DOK6: variants seen among roughly 807,000 people sequenced by gnomAD.
The protein encoded by DOK6 is downstream of tyrosine kinase 6.
Under a neutral mutation model 44.0 loss-of-function variants are expected in DOK6, and 22 were observed. The ratio of observed to expected loss-of-function variants is 0.50; its 90% CI spans 0.36 to 0.71. DOK6 has a LOEUF of 0.71. Among genes scored for constraint, DOK6 ranks in the 30% least tolerant of loss-of-function variants. The pLI is 0.00. For synonymous variants in DOK6, 166 were observed against 145.5 expected, an observed-to-expected ratio of 1.14 and a Z score of -1.01; for missense variants, 340 against 416.4, an observed-to-expected ratio of 0.82 and a Z score of 1.60.
chr18:69,415,808 C>T (rs2122397298), intron 1 of DOK6, among the ~76,000 whole-genome samples: 1 of 152,138 alleles, frequency 6.6e-6, no homozygotes, highest in Non-Finnish European at 1.5e-5. Context: ...ATATTTACCT[C>T]AACCTTACGA....
At chr18:69,510,258 C>G (rs1461719516) in intron 1 of DOK6, among the ~76,000 whole-genome samples, 1 of 152,148 alleles carries the variant, frequency 6.6e-6, no homozygotes, top group Non-Finnish European at 1.5e-5. Context: ...TTCTTCATTA[C>G]TTGTATATTC....
intron 3 of DOK6, among the ~76,000 whole-genome samples, chr18:69,634,325 G>A (rs1355845659): frequency 6.6e-6 from 1 of 152,070 alleles, no homozygotes; most frequent in East Asian, 1.9e-4. Context: ...AAACTTTAGT[G>A]TACTTTTGTA....
intron 5 of DOK6, among the ~76,000 whole-genome samples, chr18:69,718,031 C>T (rs1414584880): frequency 6.6e-6 from 1 of 152,040 alleles, no homozygotes; most frequent in African/African-American, 2.4e-5. Context: ...GGGTTAATGC[C>T]CTTTTAATAT....
chr18:69,664,398 T>G (rs953912873), intron 3 of DOK6, among the ~76,000 whole-genome samples: 1 of 152,240 alleles, frequency 6.6e-6, no homozygotes, highest in African/African-American at 2.4e-5. Context: ...AAATGGAACA[T>G]GTAAATCTTA....
chr18:69,582,495 A>C (rs557181296), intron 2 of DOK6, among the ~76,000 whole-genome samples: 40 of 152,138 alleles, frequency 2.6e-4, no homozygotes, highest in Non-Finnish European at 4.7e-4. Flanking sequence ...GATATATATT[A>C]ATGACTGTAC....
intron 4 of DOK6, among the ~76,000 whole-genome samples, chr18:69,679,396 A>G (rs946273260): frequency 9.2e-5 from 14 of 152,186 alleles, no homozygotes; most frequent in Admixed American, 9.2e-4. Flanking sequence ...ATGAACATAT[A>G]TAATAAGTTC....
At chr18:69,430,119 T>C (rs1867103) in intron 1 of DOK6, among the ~76,000 whole-genome samples, 20,267 of 152,128 alleles carry the variant, frequency 0.13, 1,688 homozygotes, top group South Asian at 0.28. Context: ...ATTATAACTA[T>C]TAGATCTACC....
At chr18:69,591,281 TG>T (rs1305870267) in intron 2 of DOK6, among the ~76,000 whole-genome samples, 2 of 152,138 alleles carry the variant, frequency 1.3e-5, no homozygotes, top group African/African-American at 4.8e-5. Flanking sequence ...TATACTGATA[TG>T]GGATGGCTGT....
chr18:69,590,432 C>T (rs1192833263), intron 2 of DOK6, among the ~76,000 whole-genome samples: 2 of 152,124 alleles, frequency 1.3e-5, no homozygotes, highest in East Asian at 1.9e-4. Context: ...GCGAGATCAG[C>T]ATACTCCAAG....
At chr18:69,535,408 G>A (rs1005713272) in intron 1 of DOK6, among the ~76,000 whole-genome samples, 2 of 151,836 alleles carry the variant, frequency 1.3e-5, no homozygotes, top group Non-Finnish European at 2.9e-5. Context: ...TGAAATCTCT[G>A]TAATTCTAAT....
chr18:69,536,979 C>CATTATTATTATTATTATTATT (rs6146369), intron 1 of DOK6, among the ~76,000 whole-genome samples: 1 of 144,860 alleles, frequency 6.9e-6, no homozygotes, highest in Non-Finnish European at 1.5e-5. Flanking sequence ...GAAGATTTAT[C>CATTATTATTATTATTATTATT]ATTATTATTA....
At chr18:69,630,826 G>A (rs1984673644) in intron 3 of DOK6, among the ~76,000 whole-genome samples, 1 of 152,064 alleles carries the variant, frequency 6.6e-6, no homozygotes, top group South Asian at 2.1e-4. Flanking sequence ...AATACTTCTG[G>A]TATTGCTGAA....
At chr18:69,457,858 C>G (rs367791557) in intron 1 of DOK6, among the ~76,000 whole-genome samples, 1 of 152,080 alleles carries the variant, frequency 6.6e-6, no homozygotes, top group East Asian at 1.9e-4. Context: ...AAAGTTAATT[C>G]ACATGCCAGG....
In DOK6 at chr18:69,811,575, TATCA is replaced by T. The variant is rs1227755975; in HGVS notation, c.857-29667_857-29664del. On this transcript the variant is annotated intron_variant, in intron 7 of 7. Coordinates refer to ENST00000382713, the MANE Select transcript of DOK6 (RefSeq NM_152721.6). ...ATATATATATATATATATATATATA[TATCA>T]AAACACTACGTTGTACACAATCAAT... Among the ~76,000 whole-genome samples the T allele has an allele frequency of 2.8e-3, 34 of 12,246 alleles. 1 individual carries two copies. In the South Asian group the frequency reaches 0.048, roughly 17 times the overall value. 8.0% of individuals were successfully genotyped at this position (12,246 alleles called of 152,430 possible). A position where few individuals can be genotyped will look rare whatever the true frequency, so the allele number is the denominator to read the frequency against.
intron 7 of DOK6, among the ~76,000 whole-genome samples, chr18:69,806,942 T>C (rs891303304): frequency 6.6e-6 from 1 of 152,028 alleles, no homozygotes; most frequent in African/African-American, 2.4e-5. Context: ...TGCTGATGAA[T>C]ATATTATGGG....
intron 1 of DOK6, among the ~76,000 whole-genome samples, chr18:69,402,353 T>C (rs1916119732): frequency 1.3e-5 from 2 of 152,170 alleles, no homozygotes; most frequent in South Asian, 4.1e-4. Flanking sequence ...CTTTCCTGTG[T>C]TCCCTGATGA....
At position 69,835,165 on chromosome 18, in the gene DOK6, C is replaced by T. The variant is rs1982008271; in HGVS notation, c.857-6079C>T. Among the ~76,000 whole-genome samples the T allele has an allele frequency of 2.6e-5, 4 of 152,242 alleles. No individual in the cohort carries two copies. In the South Asian group the frequency reaches 8.3e-4, roughly 32 times the overall value. ...GAGGACATAAAGCCTAACCATATCA[C>T]CATAAGAAGCTTCTGGGCCGGGCGC... On this transcript the variant is annotated intron_variant, in intron 7 of 7. Coordinates refer to ENST00000382713, the MANE Select transcript of DOK6 (RefSeq NM_152721.6).
chr18:69,636,153 C>A (rs989467838), intron 3 of DOK6, among the ~76,000 whole-genome samples: 2 of 152,158 alleles, frequency 1.3e-5, no homozygotes, highest in Non-Finnish European at 2.9e-5. Flanking sequence ...TTGTCTGTAG[C>A]ATGATTCTGG....
intron 1 of DOK6, among the ~76,000 whole-genome samples, chr18:69,467,686 C>T (rs372897603): frequency 9.2e-5 from 14 of 152,050 alleles, no homozygotes; most frequent in Non-Finnish European, 1.9e-4. Context: ...ATGAAAAAAT[C>T]GGTGCTTTTT....
Sources: allele counts gnomAD v4.1 joint callset (sites outside exome capture counted in the v4.1 genomes callset), GRCh38; gene constraint gnomAD v4.1.1; transcripts MANE v1.5; gene names NCBI Gene and HGNC (gene_info 2026-07-23, HGNC 2026-07-21).